The following ZNF804A variants were observed in gnomAD, a reference collection of about 807,000 sequenced individuals.
ZNF804A encodes zinc finger protein 804A.
A neutral mutation model predicts 16.5 loss-of-function variants in ZNF804A; 2 were observed. The ratio of observed to expected loss-of-function variants is 0.12; its 90% CI spans 0.05 to 0.38. ZNF804A has a LOEUF of 0.38. Among genes scored for constraint, ZNF804A ranks in the 10% least tolerant of loss-of-function variants. ZNF804A has a pLI of 0.99. For missense variants in ZNF804A, 1,473 were observed against 1,390.7 expected (o/e 1.06, Z -0.94); for synonymous variants, 534 against 489.6 (o/e 1.09, Z -1.20).
chr2:184,823,336 T>A lies in ZNF804A; in HGVS notation c.112-43033T>A, dbSNP rs1391525662. Among the ~76,000 whole-genome samples, 5 of 152,146 alleles carry A rather than the reference T, an allele frequency of 3.3e-5. No individual in the cohort carries two copies. In the East Asian group the frequency reaches 9.6e-4, roughly 29 times the overall value. On this transcript the variant is annotated intron_variant, in intron 1 of 3. Transcript: ENST00000302277. ...TCCTAAGAACTCCAGTTCTTAATAC[T>A]GTTATATTAGGATTTAAGTTTTAAC...
intron 2 of ZNF804A, among the ~76,000 whole-genome samples, chr2:184,887,652 G>C (rs1684916997): frequency 6.6e-6 from 1 of 152,160 alleles, no homozygotes; most frequent in African/African-American, 2.4e-5. Context: ...CGAGGAGGAA[G>C]CAAAAGCAGA....
intron 1 of ZNF804A, among the ~76,000 whole-genome samples, chr2:184,848,271 C>A (rs1695550272): frequency 6.6e-6 from 1 of 151,848 alleles, no homozygotes; most frequent in Non-Finnish European, 1.5e-5. Context: ...CAGCTCTGTG[C>A]CAGGAACAAG....
rs779929990 is a variant in ZNF804A at position 184,695,465 on chromosome 2, T to TAAAAAAAAAA, written c.111+96413_111+96422dup. ...GGGCGACAGAGCGAGACTCCGTCAT[T>TAAAAAAAAAA]AAAAAAAAAAAAAAAAAAAAAAAAA... On this transcript the variant is annotated intron_variant, in intron 1 of 3. Coordinates refer to ENST00000302277, the MANE Select transcript of ZNF804A (RefSeq NM_194250.2). Among the ~76,000 whole-genome samples, 95 of 51,810 alleles carry TAAAAAAAAAA rather than the reference T, an allele frequency of 1.8e-3. 2 individuals carry two copies. The highest frequency in any genetic ancestry group is 8.7e-3 in the African/African-American group (92 of 10,588). 34.0% of individuals were successfully genotyped at this position (51,810 alleles called of 152,430 possible). A position where few individuals can be genotyped will look rare whatever the true frequency, so the allele number is the denominator to read the frequency against.
chr2:184,687,723 T>C (rs1252530695), intron 1 of ZNF804A, among the ~76,000 whole-genome samples: 1 of 152,190 alleles, frequency 6.6e-6, no homozygotes, highest in Non-Finnish European at 1.5e-5. Context: ...TTGAATGTAA[T>C]TAGTACAACT....
intron 1 of ZNF804A, among the ~76,000 whole-genome samples, chr2:184,842,023 T>A (rs1036573425): frequency 6.6e-6 from 1 of 152,310 alleles, no homozygotes; most frequent in African/African-American, 2.4e-5. Flanking sequence ...TTGAATGTAG[T>A]GCTTTTTTGT....
chr2:184,850,772 A>C (rs1318468153), intron 1 of ZNF804A, among the ~76,000 whole-genome samples: 1 of 151,806 alleles, frequency 6.6e-6, no homozygotes, highest in Non-Finnish European at 1.5e-5. Flanking sequence ...GTTATTTTTC[A>C]ACATTTAAAA....
intron 1 of ZNF804A, among the ~76,000 whole-genome samples, chr2:184,824,679 G>A (rs948850128): frequency 1.3e-5 from 2 of 152,042 alleles, no homozygotes; most frequent in African/African-American, 4.8e-5. Flanking sequence ...TGGATTCTTT[G>A]GGCCTGTAAG....
intron 1 of ZNF804A, among the ~76,000 whole-genome samples, chr2:184,630,240 G>C (rs1476567282): frequency 1.3e-5 from 2 of 152,078 alleles, no homozygotes; most frequent in South Asian, 4.1e-4. Context: ...ACCTAGATAA[G>C]ATCCGAAAGA....
In ZNF804A at chr2:184,772,582, G is replaced by A. The variant is rs531486149; in HGVS notation, c.112-93787G>A. ...TATTGTCAATATTGCCACTATGACCGTTTGTGTACAAGTTTTTGTGTGGAT... is the reference window on the plus strand; with the variant it reads ...TATTGTCAATATTGCCACTATGACCATTTGTGTACAAGTTTTTGTGTGGAT... On this transcript the variant is annotated intron_variant, in intron 1 of 3. Transcript: ENST00000302277. 2.0e-4 allele frequency among the ~76,000 whole-genome samples: 31 copies of A among 151,706 alleles called. 1 individual carries two copies. Among genetic ancestry groups the A allele is most frequent in the South Asian group, 4.2e-4 (2 of 4,812 alleles).
intron 1 of ZNF804A, among the ~76,000 whole-genome samples, chr2:184,791,502 G>A (rs547249319): frequency 1.6e-4 from 24 of 152,018 alleles, no homozygotes; most frequent in Admixed American, 4.6e-4. Flanking sequence ...CTTGTCCCTC[G>A]ATTTGTTTTT....
intron 1 of ZNF804A, among the ~76,000 whole-genome samples, chr2:184,759,960 C>T (rs1694017763): frequency 1.3e-5 from 2 of 152,176 alleles, no homozygotes; most frequent in South Asian, 4.1e-4. Context: ...GTGAAATAAA[C>T]AGCCTTGTTG....
intron 1 of ZNF804A, among the ~76,000 whole-genome samples, chr2:184,673,246 G>T (rs1011822996): frequency 6.6e-6 from 1 of 152,146 alleles, no homozygotes; most frequent in African/African-American, 2.4e-5. Flanking sequence ...GATAGACATT[G>T]CTTGTGTTTG....
chr2:184,631,128 A>G (rs1218463448), intron 1 of ZNF804A, among the ~76,000 whole-genome samples: 1 of 152,146 alleles, frequency 6.6e-6, no homozygotes, highest in Admixed American at 6.6e-5. Flanking sequence ...GTGAAATATA[A>G]ACAGCCATTC....
At chr2:184,866,664 C>G in intron 2 of ZNF804A, 152 bp downstream of exon 2, 1 of 587,500 alleles carries the variant, frequency 1.7e-6, no homozygotes, top group East Asian at 3.7e-5. Flanking sequence ...AATTTGATGA[C>G]TTACAGCAAA....
chr2:184,657,209 C>G (rs931917604), intron 1 of ZNF804A, among the ~76,000 whole-genome samples: 8 of 152,104 alleles, frequency 5.3e-5, no homozygotes, highest in Non-Finnish European at 1.2e-4. Flanking sequence ...CTTCAGACTT[C>G]CTAGTAGCTG....
chr2:184,644,959 A>G (rs1691849349), intron 1 of ZNF804A, among the ~76,000 whole-genome samples: 1 of 152,082 alleles, frequency 6.6e-6, no homozygotes. Flanking sequence ...GAAGGCTAAT[A>G]GTAAGTTTAC....
chr2:184,744,466 C>A (rs1269242619), intron 1 of ZNF804A, among the ~76,000 whole-genome samples: 1 of 151,712 alleles, frequency 6.6e-6, no homozygotes, highest in East Asian at 1.9e-4. Flanking sequence ...ATAAAAGAGG[C>A]CCTAGAGAGA....
intron 1 of ZNF804A, among the ~76,000 whole-genome samples, chr2:184,770,253 T>C (rs914500578): frequency 6.6e-6 from 1 of 152,050 alleles, no homozygotes; most frequent in Admixed American, 6.6e-5. Context: ...CCCTTTCCTT[T>C]TATACTTAGA....
rs1685854755 is a variant in ZNF804A, at chr2:184,939,203, CT to C, written c.*178del. 1 of 673,448 alleles carries C rather than the reference CT, an allele frequency of 1.5e-6. No individual in the cohort carries two copies. Among genetic ancestry groups the C allele is most frequent in the African/African-American group, 1.8e-5 (1 of 55,148 alleles). The allele number at this position is 673,448 out of a possible 1,614,324, so 41.7% of individuals were successfully genotyped here. ...ATGATGCAAATAAATCCCTAAGTTT[CT>C]GATATATAATATTATTAAAGCACTG... On this transcript the variant is annotated 3_prime_UTR_variant, in exon 4 of 4. Transcript: ENST00000302277.
Sources: gnomAD v4.1 joint callset for allele counts (sites outside exome capture counted in the v4.1 genomes callset) on GRCh38, gnomAD v4.1.1 for gene constraint, MANE v1.5 for transcripts, NCBI Gene and HGNC (gene_info 2026-07-23, HGNC 2026-07-21) for gene names.